The following NXF1 variants were observed in gnomAD, a reference collection of about 807,000 sequenced individuals.
NXF1 encodes mRNA export factor TAP.
NXF1 carries 43 observed loss-of-function variants against 92.4 expected under a neutral mutation model. The ratio of observed to expected loss-of-function variants is 0.47; its 90% CI spans 0.36 to 0.60. The LOEUF is 0.60. NXF1 is among the 20% of genes least tolerant of loss of function. The pLI is 0.00. For missense variants in NXF1, 576 were observed against 793.0 expected (o/e 0.73, Z 3.29); for synonymous variants, 288 against 292.2 (o/e 0.99, Z 0.15).
Position 62,800,824 on chromosome 11 carries a change from C to G in NXF1, c.906+270G>C, listed in dbSNP as rs117327300. Among the ~76,000 whole-genome samples, 57 of 152,212 alleles carry G rather than the reference C, an allele frequency of 3.7e-4. No individual in the cohort carries two copies. In the East Asian group the frequency reaches 8.1e-3, roughly 22 times the overall value. ...GAGACAGGTTGCTCAGGCTAGAATG[C>G]AACGGCACAATCATAACTCACTGCA... On this transcript the variant is annotated intron_variant, in intron 9 of 20. Coordinates refer to ENST00000294172, the MANE Select transcript of NXF1 (RefSeq NM_006362.5).
At position 62,796,127 on chromosome 11, in the gene NXF1, T is replaced by C. The variant is rs769086364; in HGVS notation, c.1400A>G (p.Asn467Ser). 8 of 1,613,840 alleles carry C rather than the reference T, an allele frequency of 5.0e-6. No individual in the cohort carries two copies. In the East Asian group the frequency reaches 6.7e-5, roughly 13 times the overall value. The part of the protein sequence containing the change: ...HTRLNVVAFL[N>S]ELPKTQHDVN... The stretch of plus-strand genomic sequence containing the variant: ...GTCGTGCTGGGTTTTGGGCAACTCA[T>C]TGAGGAAGGCAACAACGTTGAGACG... The change falls in exon 16 of 21, where the codon AAT (asparagine) becomes AGT (serine). Residue 467 changes from asparagine to serine, a missense_variant. Physicochemically the swap from Asn to Ser is conservative, Grantham distance 46. This residue lies in a region of NXF1 where 425 missense variants were observed against 635.2 expected (regional missense o/e 0.67). Coordinates refer to ENST00000294172, the MANE Select transcript of NXF1 (RefSeq NM_006362.5).
At chr11:62,804,044 A>T in intron 1 of NXF1, 66 bp from the exon 2 acceptor site, 1 of 1,599,440 alleles carries the variant, frequency 6.3e-7, no homozygotes, top group South Asian at 1.1e-5. Context: ...TGGCAATCAT[A>T]GCTTCTAGTA....
At chr11:62,792,614 T>A in intron 20 of NXF1, 27 bp downstream of exon 20, 1 of 1,614,128 alleles carries the variant, frequency 6.2e-7, no homozygotes, top group Non-Finnish European at 8.5e-7. Context: ...ATCCTAGTCT[T>A]TTTGCCACTG....
intron 10 of NXF1, 47 bp from the exon 11 acceptor site, chr11:62,798,622 C>T (rs1565199560): frequency 6.2e-7 from 1 of 1,610,484 alleles, no homozygotes; most frequent in South Asian, 1.1e-5. Flanking sequence ...AGCCACCGTG[C>T]CTCCTGGGCT....
chr11:62,792,793 A>G (rs1340532697), intron 19 of NXF1, 92 bp from the exon 20 acceptor site: 17 of 1,074,276 alleles, frequency 1.6e-5, no homozygotes, highest in African/African-American at 3.1e-5. Context: ...GTTTGCCAAC[A>G]AATATGTACA....
In NXF1 at chr11:62,800,497, T is replaced by C. The variant is rs1408478962; in HGVS notation, c.907-11A>G. The C allele has an allele frequency of 6.2e-7, 1 of 1,604,194 alleles. No individual in the cohort carries two copies. Among genetic ancestry groups the C allele is most frequent in the Non-Finnish European group, 8.5e-7 (1 of 1,172,674 alleles). On this transcript the variant is annotated splice_polypyrimidine_tract_variant and intron_variant, in intron 9 of 20. Coordinates refer to ENST00000294172, the MANE Select transcript of NXF1 (RefSeq NM_006362.5). ...CCGCTCAGACTTCAACTGCAAAGGGTGGAAGGAACAAAGGGAGGAGACCCT... is the reference window on the plus strand; with the variant it reads ...CCGCTCAGACTTCAACTGCAAAGGGCGGAAGGAACAAAGGGAGGAGACCCT...
rs1415261626 is a variant in NXF1, at chr11:62,794,370, T to C, written c.1648A>G (p.Met550Val). ...CTGGAGGAAGGCGTGGGTGCAGGCA[T>C]AGCGAAGGCTCTTTGGATCTCTTCA... Reference protein sequence around the residue: ...SSEEIQRAFAMPAPTPSSSPV... With the variant: ...SSEEIQRAFAVPAPTPSSSPV... Residue 550 changes from methionine to valine, a missense_variant, in exon 19 of 21, where the codon ATG becomes GTG. Transcript: ENST00000294172. The C allele has an allele frequency of 1.9e-6, 3 of 1,614,048 alleles. No homozygotes were observed. The highest frequency in any genetic ancestry group is 3.3e-5 in the Admixed American group (2 of 59,986).
At chr11:62,795,994 G>T (rs902200932) in intron 16 of NXF1, 51 bp from the exon 17 acceptor site, 1 of 1,608,754 alleles carries the variant, frequency 6.2e-7, no homozygotes, top group African/African-American at 1.3e-5. Flanking sequence ...GAGCCTGAGT[G>T]CCCCCCCTTG....
chr11:62,796,655 G>A, intron 13 of NXF1, 88 bp from the exon 14 acceptor site: 1 of 861,798 alleles, frequency 1.2e-6, no homozygotes, highest in Non-Finnish European at 1.9e-6. Flanking sequence ...GTTGTGGCCG[G>A]GCATGGAAGC....
intron 2 of NXF1, 41 bp downstream of exon 2, chr11:62,803,751 C>G: frequency 6.3e-7 from 1 of 1,595,998 alleles, no homozygotes; most frequent in Non-Finnish European, 8.6e-7. Context: ...CATATAATCT[C>G]ATGAGCCACT....
intron 13 of NXF1, chr11:62,796,832 G>A (rs1426193667): frequency 2.0e-5 from 11 of 540,076 alleles, no homozygotes; most frequent in East Asian, 6.5e-5. Context: ...ACTTTGGGAG[G>A]AAGAGGCAGG....
chr11:62,800,605 C>A (rs533249433), intron 9 of NXF1, 119 bp from the exon 10 acceptor site: 71 of 482,442 alleles, frequency 1.5e-4, no homozygotes, highest in African/African-American at 1.3e-3. Flanking sequence ...AAAATTTTTT[C>A]TTTTTTTTTT....
At chr11:62,795,802 A>C (rs1411950342) in intron 17 of NXF1, 99 bp downstream of exon 17, 6 of 1,205,326 alleles carry the variant, frequency 5.0e-6, no homozygotes, top group Non-Finnish European at 7.3e-6. Flanking sequence ...GCTCAAAAAG[A>C]AAATGGGAGA....
intron 10 of NXF1, chr11:62,799,747 G>A: frequency 1.0e-6 from 1 of 986,148 alleles, no homozygotes; most frequent in Non-Finnish European, 1.2e-6. Context: ...CCCCAGCTCT[G>A]GTCACATCTT....
Position 62,803,443 on chromosome 11 carries a change from G to A in NXF1, c.345C>T (p.Thr115=), listed in dbSNP as rs752506043. The A allele has an allele frequency of 3.1e-6, 5 of 1,613,836 alleles. No individual in the cohort carries two copies. In the South Asian group the frequency reaches 5.5e-5, roughly 18 times the overall value. Residue 115 remains threonine (T), a synonymous_variant, in exon 3 of 21, where the codon ACC becomes ACT. Transcript: ENST00000294172. ...CTGTAATCTTGAACCAGTTCTTTGA[G>A]GTCCCATCCTGGCTGGTGCCAGCCC... is the stretch of plus-strand genomic sequence containing the variant. ...RGGAGTSQDG[T]SKNWFKITIP...
In NXF1 at chr11:62,805,409, C is replaced by A; in HGVS notation, c.-53G>T. 4 of 1,606,378 alleles carry A rather than the reference C, an allele frequency of 2.5e-6. No individual in the cohort carries two copies. Among genetic ancestry groups the A allele is most frequent in the South Asian group, 1.1e-5 (1 of 89,446 alleles). On this transcript the variant is annotated 5_prime_UTR_variant, in exon 1 of 21. Coordinates refer to ENST00000294172, the MANE Select transcript of NXF1 (RefSeq NM_006362.5). ...AGGCGCTGGCCGCTACGCCGGCAAACAACCTAACTCCCAAGCGCTCAGGAC... is the reference window on the plus strand; with the variant it reads ...AGGCGCTGGCCGCTACGCCGGCAAAAAACCTAACTCCCAAGCGCTCAGGAC...
At chr11:62,800,316 AT>A (rs2084465070) in intron 10 of NXF1, 60 bp downstream of exon 10, 1 of 1,611,976 alleles carries the variant, frequency 6.2e-7, no homozygotes, top group African/African-American at 1.3e-5. Flanking sequence ...GTCAGGATGC[AT>A]TAGCTCAGCC....
chr11:62,800,216 A>G (rs1165222893), intron 10 of NXF1, 161 bp downstream of exon 10: 5 of 1,446,798 alleles, frequency 3.5e-6, no homozygotes, highest in Non-Finnish European at 4.6e-6. Context: ...AAGCTGGAAG[A>G]CACAGACAGA....
Position 62,800,510 on chromosome 11 carries a change from G to A in NXF1, c.907-24C>T, listed in dbSNP as rs562958987. On this transcript the variant is annotated intron_variant, in intron 9 of 20. Transcript: ENST00000294172. Reference sequence around the variant, plus strand: ...AACTGCAAAGGGTGGAAGGAACAAAGGGAGGAGACCCTGGTGAAGACAGCC... The same window carrying A: ...AACTGCAAAGGGTGGAAGGAACAAAAGGAGGAGACCCTGGTGAAGACAGCC... 1.8e-5 allele frequency: 28 copies of A among 1,574,936 alleles called. No individual in the cohort carries two copies. The South Asian group carries it at 2.9e-4, about 16-fold the overall frequency.
Sources: allele counts gnomAD v4.1 joint callset (sites outside exome capture counted in the v4.1 genomes callset), GRCh38; gene constraint gnomAD v4.1.1; regional missense constraint gnomAD v4.1.1; transcripts MANE v1.5; gene names NCBI Gene and HGNC (gene_info 2026-07-23, HGNC 2026-07-21).